Variants in KIF26B observed in about 807,000 individuals in gnomAD.
The protein encoded by KIF26B is kinesin family member 26B.
In KIF26B, 63 loss-of-function variants were observed where a neutral mutation model predicts 151.2. The observed-to-expected ratio is 0.42, with a 90% CI of 0.34 to 0.51. KIF26B has a LOEUF of 0.51. KIF26B is among the 20% of genes least tolerant of loss of function. KIF26B has a pLI of 0.07. For missense variants in KIF26B, 2,813 were observed against 2,913.6 expected (o/e 0.97, Z 0.79); for synonymous variants, 1,357 against 1,262.1 (o/e 1.08, Z -1.59).
intron 2 of KIF26B, among the ~76,000 whole-genome samples, chr1:245,159,866 A>G (rs1375247699): frequency 6.6e-6 from 1 of 152,208 alleles, no homozygotes; most frequent in Non-Finnish European, 1.5e-5. Context: ...AATGGAGGAT[A>G]GGGCTTCATG....
chr1:245,342,314 T>A (rs1410587350), intron 2 of KIF26B, among the ~76,000 whole-genome samples: 1 of 152,214 alleles, frequency 6.6e-6, no homozygotes, highest in Non-Finnish European at 1.5e-5. Context: ...CGCGTGGTTT[T>A]CTCCATCCAG....
At chr1:245,701,196 A>T (rs2044766960) in intron 14 of KIF26B, among the ~76,000 whole-genome samples, 1 of 152,228 alleles carries the variant, frequency 6.6e-6, no homozygotes, top group Non-Finnish European at 1.5e-5. Flanking sequence ...GCTACATGAA[A>T]GGGGAAATAT....
At position 245,702,391 on chromosome 1, in the gene KIF26B, G is replaced by A. The variant is rs756317432; in HGVS notation, c.6179-67G>A. On this transcript the variant is annotated intron_variant, in intron 14 of 14. Coordinates refer to ENST00000407071, the MANE Select transcript of KIF26B (RefSeq NM_018012.4). The surrounding 1 kb of genome is among the most constrained non-coding windows in gnomAD (Gnocchi z 4.1). ...GATGTGGGGGTGGCAGCTCCAGGCTGAGCCGTCGGGAGTTGCTTCTCACCC... is the reference window on the plus strand; with the variant it reads ...GATGTGGGGGTGGCAGCTCCAGGCTAAGCCGTCGGGAGTTGCTTCTCACCC... The A allele has an allele frequency of 5.9e-5, 93 of 1,581,584 alleles. No homozygotes were observed. Among genetic ancestry groups the A allele is most frequent in the Middle Eastern group, 5.0e-4 (3 of 5,962 alleles).
intron 2 of KIF26B, among the ~76,000 whole-genome samples, chr1:245,326,943 T>G (rs1276171659): frequency 6.6e-6 from 1 of 152,224 alleles, no homozygotes; most frequent in Non-Finnish European, 1.5e-5. Context: ...CATCCATCTC[T>G]CAGTCTTTGT....
In KIF26B at chr1:245,572,381, C is replaced by T. The variant is rs2043073964; in HGVS notation, c.1351-30196C>T. 6.6e-6 allele frequency among the ~76,000 whole-genome samples: 1 copy of T among 152,080 alleles called. No individual in the cohort carries two copies. Among genetic ancestry groups the T allele is most frequent in the Non-Finnish European group, 1.5e-5 (1 of 68,024 alleles). Reference sequence around the variant, plus strand: ...CTTAGCTCCCAACTCTTATTGGGAGCAGAAGTGCCACTGGAGTAGGGTGGC... The same window carrying T: ...CTTAGCTCCCAACTCTTATTGGGAGTAGAAGTGCCACTGGAGTAGGGTGGC... On this transcript the variant is annotated intron_variant, in intron 5 of 14. Transcript: ENST00000407071. The surrounding 1 kb of genome is among the most constrained non-coding windows in gnomAD (Gnocchi z 4.2).
In KIF26B at chr1:245,540,990, G is replaced by A. The variant is rs748101645; in HGVS notation, c.1350+40G>A. The A allele has an allele frequency of 4.4e-5, 68 of 1,546,160 alleles. No individual in the cohort carries two copies. Among genetic ancestry groups the A allele is most frequent in the Admixed American group, 5.6e-5 (3 of 53,260 alleles). On this transcript the variant is annotated intron_variant, in intron 5 of 14. Transcript: ENST00000407071. This position sits in a 1 kb window ranked among gnomAD's most constrained non-coding sequence, Gnocchi z 4.6. ...CGTCCCTGCCATTTGCCCAGTGTGC[G>A]AGGTTCTGGATCAAGTTTCAGGAGG...
At chr1:245,381,057 G>A (rs774723234) in intron 3 of KIF26B, among the ~76,000 whole-genome samples, 31 of 151,574 alleles carry the variant, frequency 2.0e-4, no homozygotes, top group Non-Finnish European at 3.8e-4. Context: ...GAATCCCACC[G>A]TAAAGTATTT....
chr1:245,330,017 G>A (rs454514), intron 2 of KIF26B, among the ~76,000 whole-genome samples: 3 of 152,082 alleles, frequency 2.0e-5, no homozygotes, highest in South Asian at 4.2e-4. Context: ...ATGTTGCCCA[G>A]GCTGATCTTG....
chr1:245,508,452 G>C (rs924565514), intron 4 of KIF26B, among the ~76,000 whole-genome samples: 8 of 152,120 alleles, frequency 5.3e-5, no homozygotes, highest in African/African-American at 1.7e-4. Flanking sequence ...GTGTTAGCCA[G>C]GATGGTCTCG....
At chr1:245,699,100 G>A (rs1005140764) in intron 14 of KIF26B, 63 bp downstream of exon 14, 13 of 1,523,548 alleles carry the variant, frequency 8.5e-6, no homozygotes, top group East Asian at 4.5e-5. Flanking sequence ...CCGGGCTGGC[G>A]TGTAGCCCAG....
intron 2 of KIF26B, among the ~76,000 whole-genome samples, chr1:245,161,676 G>A (rs1668531981): frequency 6.6e-6 from 1 of 152,072 alleles, no homozygotes; most frequent in African/African-American, 2.4e-5. Flanking sequence ...GAAGATGAAC[G>A]TGATTTTTTC....
intron 4 of KIF26B, among the ~76,000 whole-genome samples, chr1:245,471,125 G>A (rs184527058): frequency 0.041 from 5,880 of 144,696 alleles, 178 homozygotes; most frequent in African/African-American, 0.072. Context: ...ATGTGTGTGT[G>A]TGTGTGTATA....
intron 10 of KIF26B, among the ~76,000 whole-genome samples, chr1:245,672,402 G>A (rs2147942052): frequency 6.6e-6 from 1 of 152,334 alleles, no homozygotes; most frequent in South Asian, 2.1e-4. Flanking sequence ...CAGGAAGAAA[G>A]ACATTTCACG....
chr1:245,551,813 T>C (rs1661886412), intron 5 of KIF26B, among the ~76,000 whole-genome samples: 1 of 152,118 alleles, frequency 6.6e-6, no homozygotes, highest in African/African-American at 2.4e-5. Context: ...TGCCAATTCC[T>C]TGGGGAGGCT....
At chr1:245,278,821 C>G (rs1027310570) in intron 2 of KIF26B, among the ~76,000 whole-genome samples, 6 of 152,166 alleles carry the variant, frequency 3.9e-5, no homozygotes, top group Non-Finnish European at 8.8e-5. Flanking sequence ...AGAAAGTTAG[C>G]TCATCTTTCT....
rs2103087484 is a variant in KIF26B at position 245,517,092 on chromosome 1, G to A, written c.1167-23675G>A. On this transcript the variant is annotated intron_variant, in intron 4 of 14. Transcript: ENST00000407071. The stretch of plus-strand genomic sequence containing the variant: ...TATAAAAATGGGGATGGGGCCGGGT[G>A]TGGTGGCTCACACCTTTAATCCCAG... 2.0e-5 allele frequency among the ~76,000 whole-genome samples: 3 copies of A among 152,364 alleles called. No homozygotes were observed. The Middle Eastern group carries it at 0.01, about 518-fold the overall frequency.
At chr1:245,599,653 G>C (rs2043370524) in intron 5 of KIF26B, among the ~76,000 whole-genome samples, 1 of 152,166 alleles carries the variant, frequency 6.6e-6, no homozygotes, top group Admixed American at 6.5e-5. Context: ...CATCATCCTT[G>C]ACTTGCAATG....
chr1:245,628,643 A>G (rs1200982791), intron 9 of KIF26B, among the ~76,000 whole-genome samples: 2 of 152,232 alleles, frequency 1.3e-5, no homozygotes, highest in Non-Finnish European at 2.9e-5. Context: ...CCCATAGCCA[A>G]TATCATAATG....
chr1:245,486,678 AT>A (rs1255715222), intron 4 of KIF26B, among the ~76,000 whole-genome samples: 2 of 152,168 alleles, frequency 1.3e-5, no homozygotes, highest in Non-Finnish European at 2.9e-5. Context: ...TTTTAATTAA[AT>A]TTTTTTTTGG....
Sources: gnomAD v4.1 joint callset for allele counts (sites outside exome capture counted in the v4.1 genomes callset) on GRCh38, gnomAD v4.1.1 for gene constraint, Gnocchi (gnomAD v3.1) non-coding constraint, MANE v1.5 for transcripts, NCBI Gene and HGNC (gene_info 2026-07-23, HGNC 2026-07-21) for gene names.